Variants in ME3 observed in about 807,000 individuals in gnomAD.
ME3 encodes the protein NADP-dependent malic enzyme, mitochondrial.
ME3 carries 48 observed loss-of-function variants against 68.9 expected under a neutral mutation model. The observed-to-expected ratio is 0.70, with a 90% CI of 0.55 to 0.89. ME3 has a LOEUF of 0.89. Ranked by LOEUF, ME3 falls within the 40% of genes least tolerant of loss-of-function variation. The pLI, the probability that ME3 is intolerant of heterozygous loss-of-function variation, is 0.00. For synonymous variants in ME3, 320 were observed against 318.8 expected (o/e 1.00, Z -0.04); for missense variants, 675 against 797.4 (o/e 0.85, Z 1.85).
At chr11:86,586,524 C>T (rs1222953153) in intron 2 of ME3, among the ~76,000 whole-genome samples, 2 of 152,132 alleles carry the variant, frequency 1.3e-5, no homozygotes, top group Non-Finnish European at 2.9e-5. Context: ...GAGAAGCCAA[C>T]ATATTGATGC....
At chr11:86,517,648 A>T (rs116533113) in intron 4 of ME3, among the ~76,000 whole-genome samples, 13 of 152,128 alleles carry the variant, frequency 8.5e-5, no homozygotes, top group African/African-American at 3.1e-4. Flanking sequence ...ACCTCTGGCA[A>T]TGAGAGCAAA....
intron 2 of ME3, among the ~76,000 whole-genome samples, chr11:86,614,481 A>T (rs954081167): frequency 1.3e-5 from 2 of 152,160 alleles, no homozygotes; most frequent in South Asian, 2.1e-4. Flanking sequence ...CCATCTGAGC[A>T]GACTGAGGAC....
chr11:86,671,756 C>T lies in ME3; in HGVS notation c.183+6G>A, dbSNP rs371372644. The T allele has an allele frequency of 6.2e-7, 1 of 1,602,602 alleles. No individual in the cohort carries two copies. Among genetic ancestry groups the T allele is most frequent in the Non-Finnish European group, 8.5e-7 (1 of 1,175,646 alleles). On this transcript the variant is annotated splice_donor_region_variant and intron_variant, in intron 2 of 14. Coordinates refer to ENST00000543262, the Ensembl canonical transcript of ME3. ...ACGCGGGCCGTCCTGCCCTCTGGCC[C>T]ATTACCTTGTTGAGATGAGGGTTCC...
At chr11:86,637,967 TACACACAC>T (rs5793205) in intron 2 of ME3, among the ~76,000 whole-genome samples, 2,512 of 145,132 alleles carry the variant, frequency 0.017, 21 homozygotes, top group South Asian at 0.023. Flanking sequence ...TGCTCATGCA[TACACACAC>T]ACACACACAC....
chr11:86,624,414 A>T (rs1469260894), intron 2 of ME3, among the ~76,000 whole-genome samples: 1 of 152,208 alleles, frequency 6.6e-6, no homozygotes, highest in Non-Finnish European at 1.5e-5. Context: ...AATAAACAGA[A>T]TCCAATAAAA....
chr11:86,623,906 A>G (rs1943501266), intron 2 of ME3, among the ~76,000 whole-genome samples: 1 of 152,064 alleles, frequency 6.6e-6, no homozygotes, highest in African/African-American at 2.4e-5. Flanking sequence ...GATCAAAATC[A>G]CACCTCCCTG....
At position 86,461,473 on chromosome 11, in the gene ME3, G is replaced by A. The variant is rs574821068; in HGVS notation, c.919+3618C>T. Among the ~76,000 whole-genome samples the A allele has an allele frequency of 3.9e-5, 6 of 152,348 alleles. No individual in the cohort carries two copies. The East Asian group carries it at 9.6e-4, about 24-fold the overall frequency. ...ATTGGAGTGTTCAGGATGTTTTTAG[G>A]AAGTGCCCTTGTGGGAAGGAAGGGA... is the stretch of plus-strand genomic sequence containing the variant. On this transcript the variant is annotated intron_variant, in intron 8 of 14. Transcript: ENST00000543262.
intron 4 of ME3, among the ~76,000 whole-genome samples, chr11:86,514,625 G>C (rs117522755): frequency 7.2e-5 from 11 of 152,194 alleles, no homozygotes; most frequent in African/African-American, 2.2e-4. Context: ...ATGCAGGCTC[G>C]AAACCCAGCT....
Position 86,448,142 on chromosome 11 carries a change from C to G in ME3, c.1237+8G>C. The G allele has an allele frequency of 6.2e-7, 1 of 1,602,880 alleles. No homozygotes were observed. The highest frequency in any genetic ancestry group is 8.5e-7 in the Non-Finnish European group (1 of 1,169,840). On this transcript the variant is annotated splice_region_variant and intron_variant, in intron 11 of 14. Transcript: ENST00000543262. ...GGGCTGGGTAGTGGGTACCCTCCCT[C>G]CTCCTACCTATGATGGCTGTGGGCT...
chr11:86,620,483 G>C (rs535193531), intron 2 of ME3, among the ~76,000 whole-genome samples: 130 of 152,282 alleles, frequency 8.5e-4, no homozygotes, highest in Middle Eastern at 6.8e-3. Context: ...TGGGAACCCA[G>C]AGAATCAACT....
intron 2 of ME3, among the ~76,000 whole-genome samples, chr11:86,594,924 T>C (rs938563999): frequency 6.2e-5 from 9 of 145,180 alleles, no homozygotes; most frequent in Admixed American, 1.5e-4. Flanking sequence ...CAGCAATGAG[T>C]TTCTCCAGTG....
intron 2 of ME3, among the ~76,000 whole-genome samples, chr11:86,597,606 TGTTAATACCTAC>T (rs1426272010): frequency 1.3e-5 from 2 of 152,254 alleles, no homozygotes; most frequent in Non-Finnish European, 2.9e-5. Flanking sequence ...ACTTTTTACC[TGTTAATACCTAC>T]GTGGGAAATG....
chr11:86,672,065 G>T (rs557977397), intron 1 of ME3, 107 bp from the exon 2 acceptor site: 6 of 926,980 alleles, frequency 6.5e-6, no homozygotes, highest in Non-Finnish European at 8.8e-6. Context: ...CTGGGAGAGG[G>T]CAGGTGCTCC....
intron 4 of ME3, among the ~76,000 whole-genome samples, chr11:86,517,949 A>G (rs1255773332): frequency 6.6e-6 from 1 of 152,202 alleles, no homozygotes; most frequent in African/African-American, 2.4e-5. Context: ...TTTACTTCAA[A>G]GTATTTCTAT....
intron 2 of ME3, among the ~76,000 whole-genome samples, chr11:86,633,721 G>A (rs2135339026): frequency 6.6e-6 from 1 of 152,288 alleles, no homozygotes; most frequent in African/African-American, 2.4e-5. Context: ...GTGCTAGAGG[G>A]GCCCGGAAGA....
chr11:86,517,910 G>A (rs947659485), intron 4 of ME3, among the ~76,000 whole-genome samples: 1 of 152,056 alleles, frequency 6.6e-6, no homozygotes, highest in Non-Finnish European at 1.5e-5. Flanking sequence ...CCTTTATTTT[G>A]ACAGTTGTAA....
chr11:86,589,361 G>GAGAA (rs1319492588), intron 2 of ME3, among the ~76,000 whole-genome samples: 2 of 152,078 alleles, frequency 1.3e-5, no homozygotes, highest in African/African-American at 4.8e-5. Context: ...GAGGGAGAGG[G>GAGAA]AGAAAGAAAG....
At chr11:86,545,036 C>T (rs918763137) in intron 4 of ME3, among the ~76,000 whole-genome samples, 8 of 152,162 alleles carry the variant, frequency 5.3e-5, no homozygotes, top group East Asian at 3.8e-4. Flanking sequence ...AATCAATAAA[C>T]GTAATCCATC....
At chr11:86,465,929 C>A (rs1391546331) in intron 7 of ME3, among the ~76,000 whole-genome samples, 1 of 152,164 alleles carries the variant, frequency 6.6e-6, no homozygotes, top group African/African-American at 2.4e-5. Flanking sequence ...ACAAGCACCC[C>A]AGATGGTTCT....
Sources: gnomAD v4.1 joint callset for allele counts (sites outside exome capture counted in the v4.1 genomes callset) on GRCh38, gnomAD v4.1.1 for gene constraint, MANE v1.5 for transcripts, NCBI Gene and HGNC (gene_info 2026-07-23, HGNC 2026-07-21) for gene names.